Variants in KCNH8 observed in about 807,000 individuals in gnomAD.
KCNH8 encodes potassium voltage-gated channel subfamily H member 8.
Under a neutral mutation model 103.6 loss-of-function variants are expected in KCNH8, and 70 were observed. The ratio of observed to expected loss-of-function variants is 0.68; its 90% confidence interval spans 0.56 to 0.82. The LOEUF (loss-of-function observed/expected upper bound fraction) is 0.82. Among genes scored for constraint, KCNH8 ranks in the 40% least tolerant of loss-of-function variants. The probability of loss-of-function intolerance (pLI) is 0.00; values close to 1 mark genes in which losing one functional copy is unlikely to be tolerated. For missense variants in KCNH8, 1,217 were observed against 1,329.9 expected (o/e 0.92, Z 1.32); for synonymous variants, 498 against 489.4 (o/e 1.02, Z -0.23).
chr3:19,149,782 T>C (rs2063111163), intron 1 of KCNH8, among the ~76,000 whole-genome samples: 1 of 152,258 alleles, frequency 6.6e-6, no homozygotes, highest in Non-Finnish European at 1.5e-5. Context: ...CATTTTTCTG[T>C]TGAGACTCAG....
chr3:19,240,228 C>T (rs903844279), intron 1 of KCNH8, among the ~76,000 whole-genome samples: 1 of 151,982 alleles, frequency 6.6e-6, no homozygotes, highest in African/African-American at 2.4e-5. Flanking sequence ...AGTATTCAGA[C>T]TTTATTTTTG....
intron 4 of KCNH8, among the ~76,000 whole-genome samples, chr3:19,343,103 A>G (rs1256199129): frequency 6.6e-6 from 1 of 152,088 alleles, no homozygotes; most frequent in Non-Finnish European, 1.5e-5. Flanking sequence ...TGTTTTGCAT[A>G]TTATCTAGTT....
chr3:19,373,780 A>T (rs1322530675), intron 5 of KCNH8, among the ~76,000 whole-genome samples: 2 of 151,254 alleles, frequency 1.3e-5, no homozygotes, highest in Non-Finnish European at 2.9e-5. Context: ...ACTGCTTTGA[A>T]TGCGTCCCAG....
chr3:19,342,030 A>G (rs2125316522), intron 3 of KCNH8, among the ~76,000 whole-genome samples: 1 of 152,242 alleles, frequency 6.6e-6, no homozygotes, highest in East Asian at 1.9e-4. Flanking sequence ...TGACAGTGAA[A>G]TAGTAAAATT....
chr3:19,239,796 A>G (rs1452649864), intron 1 of KCNH8, among the ~76,000 whole-genome samples: 1 of 152,150 alleles, frequency 6.6e-6, no homozygotes, highest in Non-Finnish European at 1.5e-5. Flanking sequence ...AATTAAATTT[A>G]TTTAACCTTA....
intron 5 of KCNH8, among the ~76,000 whole-genome samples, chr3:19,360,050 TA>T (rs1172827968): frequency 6.6e-6 from 1 of 151,954 alleles, no homozygotes; most frequent in Non-Finnish European, 1.5e-5. Flanking sequence ...CCAGAATTTT[TA>T]AAAAGCATGA....
chr3:19,215,434 G>T (rs2125227857), intron 1 of KCNH8, among the ~76,000 whole-genome samples: 1 of 152,292 alleles, frequency 6.6e-6, no homozygotes, highest in South Asian at 2.1e-4. Context: ...AAGATTGAAA[G>T]ATAATTGGGC....
intron 11 of KCNH8, among the ~76,000 whole-genome samples, chr3:19,503,615 C>T (rs1318843978): frequency 6.6e-6 from 1 of 152,078 alleles, no homozygotes; most frequent in East Asian, 1.9e-4. Context: ...ATGATGAGTT[C>T]ACGTCCTTTG....
At chr3:19,474,308 C>A (rs1264982867) in intron 11 of KCNH8, among the ~76,000 whole-genome samples, 3 of 152,154 alleles carry the variant, frequency 2.0e-5, no homozygotes, top group Non-Finnish European at 4.4e-5. Context: ...ATGGTGGAGG[C>A]AGTCTGCTTA....
chr3:19,441,249 A>G (rs1217291324), intron 8 of KCNH8, among the ~76,000 whole-genome samples: 4 of 152,080 alleles, frequency 2.6e-5, no homozygotes, highest in South Asian at 2.1e-4. Context: ...CTGTGTTTCT[A>G]TGTTCTGATA....
intron 11 of KCNH8, among the ~76,000 whole-genome samples, chr3:19,474,380 A>G (rs2067927221): frequency 6.6e-6 from 1 of 152,182 alleles, no homozygotes. Flanking sequence ...ATCAGATTCA[A>G]GGCATCTATT....
chr3:19,181,956 G>C, intron 1 of KCNH8, among the ~76,000 whole-genome samples: 1 of 152,106 alleles, frequency 6.6e-6, no homozygotes, highest in East Asian at 1.9e-4. Flanking sequence ...ATTCAGTGTT[G>C]TGCGTGACAT....
At chr3:19,440,557 T>C in intron 8 of KCNH8, among the ~76,000 whole-genome samples, 1 of 152,084 alleles carries the variant, frequency 6.6e-6, no homozygotes, top group East Asian at 1.9e-4. Context: ...AAGGCTTATT[T>C]ACTATCAGGA....
At chr3:19,432,611 A>C (rs1217297918) in intron 7 of KCNH8, among the ~76,000 whole-genome samples, 1 of 152,150 alleles carries the variant, frequency 6.6e-6, no homozygotes, top group Non-Finnish European at 1.5e-5. Context: ...TTTAGTAAAC[A>C]GTTTCATTTG....
chr3:19,474,312 C>A (rs1309515068), intron 11 of KCNH8, among the ~76,000 whole-genome samples: 1 of 152,200 alleles, frequency 6.6e-6, no homozygotes, highest in Non-Finnish European at 1.5e-5. Flanking sequence ...TGGAGGCAGT[C>A]TGCTTACAGC....
At chr3:19,249,410 G>A (rs377112537) in intron 1 of KCNH8, among the ~76,000 whole-genome samples, 3 of 152,176 alleles carry the variant, frequency 2.0e-5, no homozygotes, top group Non-Finnish European at 2.9e-5. Flanking sequence ...ATTACACATC[G>A]AGGACAAGTG....
chr3:19,230,479 C>T (rs950083633), intron 1 of KCNH8, among the ~76,000 whole-genome samples: 1 of 151,982 alleles, frequency 6.6e-6, no homozygotes, highest in African/African-American at 2.4e-5. Flanking sequence ...GCATAAATAC[C>T]AGACTTGATA....
intron 1 of KCNH8, among the ~76,000 whole-genome samples, chr3:19,246,229 C>T (rs2064202094): frequency 6.9e-6 from 1 of 144,448 alleles, no homozygotes; most frequent in African/African-American, 2.5e-5. Flanking sequence ...TTAAACCATT[C>T]AAATGAATGA....
At chr3:19,378,438 G>A (rs2066242816) in intron 5 of KCNH8, among the ~76,000 whole-genome samples, 1 of 152,142 alleles carries the variant, frequency 6.6e-6, no homozygotes, top group African/African-American at 2.4e-5. Flanking sequence ...GAAAGCAAGG[G>A]ACTGTTTTAA....
Sources: allele counts gnomAD v4.1 joint callset (sites outside exome capture counted in the v4.1 genomes callset), GRCh38; gene constraint gnomAD v4.1.1; transcripts MANE v1.5; gene names NCBI Gene and HGNC (gene_info 2026-07-23, HGNC 2026-07-21).